The following SYNJ2 variants were observed in gnomAD, a reference collection of about 807,000 sequenced individuals.
SYNJ2 encodes the protein polyphosphatidylinositol phosphatase SYNJ2.
SYNJ2 carries 116 observed loss-of-function variants against 141.3 expected under a neutral mutation model. That is an observed-to-expected ratio of 0.82 (90% CI 0.71 to 0.96). The LOEUF (loss-of-function observed/expected upper bound fraction) is 0.96, where lower values mean the gene tolerates loss of function less well. Ranked by LOEUF, SYNJ2 falls within the 40% of genes least tolerant of loss-of-function variation. The pLI is 0.00. For synonymous variants in SYNJ2, 745 were observed against 777.7 expected (o/e 0.96, Z 0.70); for missense variants, 1,873 against 1,934.8 (o/e 0.97, Z 0.60).
rs77873524 is a variant in SYNJ2 at position 158,049,965 on chromosome 6, T to C, written c.796-5002T>C. ...GCAGGTGGGGACATGCCTCTACCAG[T>C]ATGCACGTGGCTCTGCAGGTGTGCA... is the stretch of plus-strand genomic sequence containing the variant. On this transcript the variant is annotated intron_variant, in intron 5 of 26. Coordinates refer to ENST00000355585, the MANE Select transcript of SYNJ2 (RefSeq NM_003898.4). 7.8e-4 allele frequency among the ~76,000 whole-genome samples: 119 copies of C among 151,992 alleles called. 1 individual carries two copies. The highest frequency in any genetic ancestry group is 6.0e-4 in the Non-Finnish European group (41 of 67,926).
At position 157,982,064 on chromosome 6, in the gene SYNJ2, G is replaced by T; in HGVS notation, c.103G>T (p.Glu35Ter). Residue 35 changes from glutamate to a stop codon, truncating the protein, a stop_gained, in exon 1 of 27, where the codon GAG becomes TAG. Coordinates refer to ENST00000355585, the MANE Select transcript of SYNJ2 (RefSeq NM_003898.4). LOFTEE classifies it high-confidence loss of function. The surrounding 1 kb of genome is among the most constrained non-coding windows in gnomAD (Gnocchi z 4.0). ...CGGCCGCGACGACTGCCTGCTGTTC[G>T]AGGCCGGCACGGTGGCCACGCTGGG... ...ARGRDDCLLF[E>*]AGTVATLAPE... The T allele has an allele frequency of 7.5e-7, 1 of 1,337,552 alleles. No homozygotes were observed. The highest frequency in any genetic ancestry group is 9.6e-7 in the Non-Finnish European group (1 of 1,045,792). 82.9% of individuals were successfully genotyped at this position (1,337,552 alleles called of 1,614,324 possible). A position where few individuals can be genotyped will look rare whatever the true frequency, so the allele number is the denominator to read the frequency against.
chr6:158,055,165 CT>C, intron 6 of SYNJ2, 137 bp downstream of exon 6: 2 of 848,150 alleles, frequency 2.4e-6, no homozygotes, highest in Non-Finnish European at 1.8e-6. Context: ...CCCTTTGGTC[CT>C]TTATGCAAGA....
intron 23 of SYNJ2, among the ~76,000 whole-genome samples, chr6:158,087,987 G>A (rs1206701469): frequency 4.9e-5 from 4 of 80,852 alleles, no homozygotes; most frequent in African/African-American, 1.6e-4. Flanking sequence ...AACATGATTT[G>A]TTAATGGCTG....
intron 1 of SYNJ2, among the ~76,000 whole-genome samples, chr6:158,014,591 A>G (rs9365724): frequency 0.66 from 100,378 of 152,192 alleles, 33,519 homozygotes; most frequent in Middle Eastern, 0.78. Flanking sequence ...TCTTTAAATC[A>G]CATCTTACCA....
At chr6:158,017,405 CT>C (rs34667973) in intron 2 of SYNJ2, 115 bp downstream of exon 2, 100,345 of 596,646 alleles carry the variant, frequency 0.17, 574 homozygotes, top group East Asian at 0.2. Flanking sequence ...TCTCTCTCTT[CT>C]TTTTTTTTTT....
intron 1 of SYNJ2, among the ~76,000 whole-genome samples, chr6:158,007,339 C>G (rs1393322668): frequency 2.0e-5 from 3 of 152,194 alleles, no homozygotes; most frequent in Non-Finnish European, 4.4e-5. Flanking sequence ...CTGCTGGACT[C>G]CAGACTTGCA....
At chr6:158,059,558 T>A in intron 7 of SYNJ2, 1 of 482,602 alleles carries the variant, frequency 2.1e-6, no homozygotes. Context: ...TTTCTTTTCT[T>A]TTTTTTTTTT....
At chr6:158,006,400 A>G (rs1324645369) in intron 1 of SYNJ2, among the ~76,000 whole-genome samples, 2 of 152,078 alleles carry the variant, frequency 1.3e-5, no homozygotes, top group African/African-American at 4.8e-5. Flanking sequence ...CTAAAGTGAC[A>G]AATTCTCAGT....
At chr6:157,994,960 CTG>C (rs1777585569) in intron 1 of SYNJ2, among the ~76,000 whole-genome samples, 1 of 152,198 alleles carries the variant, frequency 6.6e-6, no homozygotes, top group Admixed American at 6.5e-5. Context: ...CTCTGTGTGT[CTG>C]AATCTACGGC....
intron 20 of SYNJ2, among the ~76,000 whole-genome samples, chr6:158,082,874 T>A (rs1193283887): frequency 6.6e-6 from 1 of 152,200 alleles, no homozygotes; most frequent in East Asian, 1.9e-4. Flanking sequence ...CATAGATAGT[T>A]TCCGTTTTTA....
chr6:158,071,746 G>C lies in SYNJ2; in HGVS notation c.2085G>C (p.Glu695Asp), dbSNP rs2128375732. The C allele has an allele frequency of 6.2e-7, 1 of 1,613,982 alleles. No individual in the cohort carries two copies. The change falls in exon 15 of 27, where the codon GAG becomes GAC. Residue 695 changes from glutamate (E) to aspartate (D), a missense_variant. Coordinates refer to ENST00000355585, the MANE Select transcript of SYNJ2 (RefSeq NM_003898.4). The surrounding 1 kb of genome is among the most constrained non-coding windows in gnomAD (Gnocchi z 4.3). ...HLTAGQSQVK[E>D]RNEDYKEITQ... ...CGGCCGGGCAGTCCCAGGTGAAGGA[G>C]CGGAATGAAGACTACAAGGAGATCA...
intron 1 of SYNJ2, among the ~76,000 whole-genome samples, chr6:157,989,075 A>G (rs1777314731): frequency 6.6e-6 from 1 of 152,196 alleles, no homozygotes; most frequent in Non-Finnish European, 1.5e-5. Flanking sequence ...CCGCTATTCT[A>G]CATGCAGAAG....
In SYNJ2 at chr6:158,062,076, G is replaced by C. The variant is rs768761112; in HGVS notation, c.1039G>C (p.Glu347Gln). The C allele has an allele frequency of 8.1e-6, 13 of 1,614,086 alleles. No individual in the cohort carries two copies. The highest frequency in any genetic ancestry group is 1.1e-5 in the Non-Finnish European group (13 of 1,180,054). The change falls in exon 8 of 27, where the codon GAG becomes CAG. Residue 347 changes from glutamate to glutamine, a missense_variant. Physicochemically the swap from Glu to Gln is conservative, Grantham distance 29. Coordinates refer to ENST00000355585, the MANE Select transcript of SYNJ2 (RefSeq NM_003898.4). ...FHQFAKGGKL[E>Q]KLETLLRPQL... ...TCAGTTTGCCAAAGGTGGGAAGCTA[G>C]AGAAATTGGAGACCCTCTTGAGGCC...
At position 158,096,370 on chromosome 6, in the gene SYNJ2, C is replaced by T. The variant is rs770955254; in HGVS notation, c.*6C>T. 2 of 1,594,594 alleles carry T rather than the reference C, an allele frequency of 1.3e-6. No homozygotes were observed. Among genetic ancestry groups the T allele is most frequent in the Middle Eastern group, 1.7e-4 (1 of 5,918 alleles). On this transcript the variant is annotated 3_prime_UTR_variant, in exon 27 of 27. Coordinates refer to ENST00000355585, the MANE Select transcript of SYNJ2 (RefSeq NM_003898.4). ...ACCCACTGGCAAAAACATGACTGAG[C>T]AGCTTTGAAGGCTGCAGTCCTATAG...
intron 18 of SYNJ2, among the ~76,000 whole-genome samples, chr6:158,079,921 CAT>C (rs779900299): frequency 1.9e-4 from 29 of 152,226 alleles, no homozygotes; most frequent in Non-Finnish European, 2.9e-4. Flanking sequence ...AATAAACAAA[CAT>C]GTGTGCTATG....
intron 18 of SYNJ2, chr6:158,079,477 A>AT (rs1782540398): frequency 6.7e-6 from 1 of 149,484 alleles, no homozygotes; most frequent in Non-Finnish European, 1.5e-5. Context: ...GGTATAAGTG[A>AT]TTTTCATGTC....
chr6:157,996,966 A>C (rs1158852860), intron 1 of SYNJ2, among the ~76,000 whole-genome samples: 4 of 152,080 alleles, frequency 2.6e-5, no homozygotes, highest in Non-Finnish European at 5.9e-5. Flanking sequence ...GCAGTGCGAG[A>C]ACAGACTAGT....
intron 1 of SYNJ2, among the ~76,000 whole-genome samples, chr6:158,007,331 G>C (rs1434247814): frequency 6.6e-6 from 1 of 152,142 alleles, no homozygotes; most frequent in Non-Finnish European, 1.5e-5. Context: ...AGATTTCTCT[G>C]CTGGACTCCA....
intron 1 of SYNJ2, among the ~76,000 whole-genome samples, chr6:158,004,927 C>T (rs891420851): frequency 1.2e-4 from 19 of 152,146 alleles, no homozygotes; most frequent in African/African-American, 3.9e-4. Flanking sequence ...GGAGGACCTT[C>T]GCCCCCTCTC....
Sources: gnomAD v4.1 joint callset for allele counts (sites outside exome capture counted in the v4.1 genomes callset) on GRCh38, gnomAD v4.1.1 for gene constraint, Gnocchi (gnomAD v3.1) non-coding constraint, MANE v1.5 for transcripts, NCBI Gene and HGNC (gene_info 2026-07-23, HGNC 2026-07-21) for gene names.